The following FREM2 variants were observed in gnomAD, a reference collection of about 807,000 sequenced individuals.
FREM2 encodes the protein FRAS1 related extracellular matrix 2.
In FREM2, 119 loss-of-function variants were observed where a neutral mutation model predicts 219.9. That is an observed-to-expected ratio of 0.54 (90% CI 0.47 to 0.63). The LOEUF (loss-of-function observed/expected upper bound fraction) is 0.63. Ranked by LOEUF, FREM2 falls within the 30% of genes least tolerant of loss-of-function variation. The pLI, the probability that FREM2 is intolerant of heterozygous loss-of-function variation, is 0.00. For synonymous variants in FREM2, 1,562 were observed against 1,522.8 expected (o/e 1.03, Z -0.60); for missense variants, 4,030 against 3,993.6 (o/e 1.01, Z -0.25).
rs1170728065 is a variant in FREM2 at position 38,847,627 on chromosome 13, G to A, written c.6170-834G>A. 3.3e-5 allele frequency among the ~76,000 whole-genome samples: 5 copies of A among 152,124 alleles called. No homozygotes were observed. In the East Asian group the frequency reaches 9.7e-4, roughly 29 times the overall value. The stretch of plus-strand genomic sequence containing the variant: ...AAAAAAATATAAAAAGAACCACAGG[G>A]AGATATGGACATCCTACAAAATGAA... On this transcript the variant is annotated intron_variant, in intron 7 of 23. Transcript: ENST00000280481.
intron 6 of FREM2, among the ~76,000 whole-genome samples, chr13:38,792,838 T>G (rs981906644): frequency 6.6e-6 from 1 of 152,178 alleles, no homozygotes; most frequent in African/African-American, 2.4e-5. Flanking sequence ...GCAAGGTTTT[T>G]AAGGATAAGA....
intron 1 of FREM2, among the ~76,000 whole-genome samples, chr13:38,697,355 A>G (rs1238003609): frequency 6.6e-6 from 1 of 152,208 alleles, no homozygotes; most frequent in Non-Finnish European, 1.5e-5. Context: ...GCCATGCCTC[A>G]AAATATCTTC....
At chr13:38,812,240 C>T (rs114016627) in intron 6 of FREM2, among the ~76,000 whole-genome samples, 1,546 of 152,046 alleles carry the variant, frequency 0.01, 31 homozygotes, top group African/African-American at 0.035. Flanking sequence ...CTTGTTTTTT[C>T]GTCCATTCAG....
At chr13:38,815,510 A>G (rs1328486096) in intron 6 of FREM2, among the ~76,000 whole-genome samples, 1 of 152,228 alleles carries the variant, frequency 6.6e-6, no homozygotes, top group Non-Finnish European at 1.5e-5. Context: ...AACAAGAGAC[A>G]TTACAACTGA....
intron 2 of FREM2, among the ~76,000 whole-genome samples, chr13:38,752,361 T>A (rs981770284): frequency 6.6e-6 from 1 of 152,202 alleles, no homozygotes; most frequent in African/African-American, 2.4e-5. Context: ...ATTTTGCCGC[T>A]GAAAACAAAT....
chr13:38,716,302 C>T (rs995996500), intron 2 of FREM2, among the ~76,000 whole-genome samples: 2 of 152,156 alleles, frequency 1.3e-5, no homozygotes, highest in Non-Finnish European at 2.9e-5. Flanking sequence ...GTGTGCTTTG[C>T]TATTTTCATT....
chr13:38,851,737 A>T lies in FREM2; in HGVS notation c.6794A>T (p.Glu2265Val). The T allele has an allele frequency of 6.2e-7, 1 of 1,613,740 alleles. No homozygotes were observed. Among genetic ancestry groups the T allele is most frequent in the Non-Finnish European group, 8.5e-7 (1 of 1,179,660 alleles). The change falls in exon 11 of 24, where the codon GAA becomes GTA. Residue 2265 changes from glutamate (E) to valine (V), a missense_variant. By Grantham distance (121) the Glu-to-Val change is moderately radical. This residue lies in a region of FREM2 where 3,102 missense variants were observed against 2,950.7 expected (regional missense o/e 1.05). Transcript: ENST00000280481. ...ETKFSVTEPKEPGESVVIRIP... is the reference protein window; with the variant it reads ...ETKFSVTEPKVPGESVVIRIP... Reference sequence around the variant, plus strand: ...AAATTTAGTGTCACTGAACCCAAAGAACCTGGAGAGTCGGTGGTTATAAGA... The same window carrying T: ...AAATTTAGTGTCACTGAACCCAAAGTACCTGGAGAGTCGGTGGTTATAAGA...
chr13:38,837,861 G>A (rs147128871), intron 6 of FREM2, among the ~76,000 whole-genome samples: 10 of 151,696 alleles, frequency 6.6e-5, no homozygotes, highest in South Asian at 2.1e-4. Flanking sequence ...GTCTCTGCAC[G>A]TGAGATGGGT....
chr13:38,875,449 G>T (rs1878310029), intron 18 of FREM2, among the ~76,000 whole-genome samples: 1 of 152,224 alleles, frequency 6.6e-6, no homozygotes, highest in African/African-American at 2.4e-5. Flanking sequence ...AAATCATTTT[G>T]CTTTATTGTA....
intron 6 of FREM2, among the ~76,000 whole-genome samples, chr13:38,787,747 T>C: frequency 6.7e-6 from 1 of 148,634 alleles, no homozygotes; most frequent in East Asian, 1.9e-4. Context: ...TTTATTAATG[T>C]TATTATTTAT....
chr13:38,856,548 T>G (rs1163483177), intron 12 of FREM2, among the ~76,000 whole-genome samples: 1 of 152,114 alleles, frequency 6.6e-6, no homozygotes, highest in South Asian at 2.1e-4. Flanking sequence ...TAATGATTCA[T>G]TGACCTTGGG....
rs1869911626 is a variant in FREM2 at position 38,692,205 on chromosome 13, A to G, written c.4861A>G (p.Thr1621Ala). Residue 1621 changes from threonine (T) to alanine (A), a missense_variant, in exon 1 of 24, where the codon ACT (threonine) becomes GCT (alanine). Around this residue, in one of 2 missense-constraint regions of FREM2, gnomAD observed 3,102 missense variants for 2,950.7 expected, o/e 1.05. Coordinates refer to ENST00000280481, the MANE Select transcript of FREM2 (RefSeq NM_207361.6). ...TGAAGATAGCTTCTCCTTCACAGTG[A>G]CTGATGGCACCCATACAGACTTCTA... The part of the protein sequence containing the change: ...SSEDSFSFTV[T>A]DGTHTDFYVF... 1.2e-6 allele frequency: 2 copies of G among 1,614,064 alleles called. No individual in the cohort carries two copies. Among genetic ancestry groups the G allele is most frequent in the Admixed American group, 1.7e-5 (1 of 60,010 alleles).
intron 15 of FREM2, among the ~76,000 whole-genome samples, chr13:38,862,423 A>G (rs1877796233): frequency 6.6e-6 from 1 of 152,136 alleles, no homozygotes; most frequent in Non-Finnish European, 1.5e-5. Flanking sequence ...TTGAGCTGCA[A>G]AGGGCTGAGA....
chr13:38,705,268 T>C (rs55880170), intron 2 of FREM2, among the ~76,000 whole-genome samples: 32,078 of 152,044 alleles, frequency 0.21, 4,104 homozygotes, highest in East Asian at 0.38. Context: ...AGTTGGAGTG[T>C]AGGGTAAGAA....
intron 16 of FREM2, among the ~76,000 whole-genome samples, chr13:38,865,237 C>T (rs1877919806): frequency 6.6e-6 from 1 of 152,122 alleles, no homozygotes; most frequent in Admixed American, 6.6e-5. Context: ...CTTCATACTA[C>T]ACATTCACAC....
intron 2 of FREM2, among the ~76,000 whole-genome samples, chr13:38,704,635 T>C (rs1566111010): frequency 6.6e-6 from 1 of 152,184 alleles, no homozygotes; most frequent in Non-Finnish European, 1.5e-5. Context: ...GTGCAGAGCC[T>C]TGTATACCCA....
At chr13:38,878,401 T>A in intron 22 of FREM2, 80 bp downstream of exon 22, 1 of 900,824 alleles carries the variant, frequency 1.1e-6, no homozygotes, top group Non-Finnish European at 1.7e-6. Context: ...AAAACAAGGC[T>A]GGGCACAGTG....
intron 3 of FREM2, among the ~76,000 whole-genome samples, chr13:38,765,765 C>A (rs2137810780): frequency 6.6e-6 from 1 of 152,230 alleles, no homozygotes; most frequent in African/African-American, 2.4e-5. Context: ...GACACTTTCC[C>A]TGTCTTTGAG....
chr13:38,762,196 T>A (rs1397963455), intron 2 of FREM2, among the ~76,000 whole-genome samples: 1 of 152,044 alleles, frequency 6.6e-6, no homozygotes, highest in East Asian at 1.9e-4. Context: ...CACCTGACTC[T>A]CCAGAAAAGG....
Sources: allele counts gnomAD v4.1 joint callset (sites outside exome capture counted in the v4.1 genomes callset), GRCh38; gene constraint gnomAD v4.1.1; regional missense constraint gnomAD v4.1.1; transcripts MANE v1.5; gene names NCBI Gene and HGNC (gene_info 2026-07-23, HGNC 2026-07-21).